NALCN: variants seen among roughly 807,000 people sequenced by gnomAD.
The protein encoded by NALCN is sodium leak channel NALCN.
A neutral mutation model predicts 225.3 loss-of-function variants in NALCN; 111 were observed. That is an observed-to-expected ratio of 0.49 (90% CI 0.42 to 0.58). NALCN has a LOEUF of 0.58. NALCN is among the 20% of genes least tolerant of loss of function. The pLI, the probability that NALCN is intolerant of heterozygous loss-of-function variation, is 0.00. For synonymous variants in NALCN, 764 were observed against 769.0 expected, an observed-to-expected ratio of 0.99 and a Z score of 0.11; for missense variants, 1,378 against 2,202.4, an observed-to-expected ratio of 0.63 and a Z score of 7.49.
chr13:101,215,754 T>C (rs1204199175), intron 13 of NALCN, among the ~76,000 whole-genome samples: 3 of 152,132 alleles, frequency 2.0e-5, no homozygotes, highest in African/African-American at 7.2e-5. Flanking sequence ...GTGCACAACG[T>C]GCAGGTTTGT....
chr13:101,085,095 T>G (rs974453776), intron 30 of NALCN, among the ~76,000 whole-genome samples: 28 of 152,194 alleles, frequency 1.8e-4, no homozygotes, highest in African/African-American at 6.0e-4. Context: ...CCTATGTGAA[T>G]TGCCCATTCA....
At chr13:101,214,823 G>T (rs540918375) in intron 13 of NALCN, among the ~76,000 whole-genome samples, 1 of 152,210 alleles carries the variant, frequency 6.6e-6, no homozygotes, top group African/African-American at 2.4e-5. Context: ...CCTCAGAGAG[G>T]AGGTTGATCC....
chr13:101,252,047 C>T (rs1284238870), intron 11 of NALCN, among the ~76,000 whole-genome samples: 1 of 152,272 alleles, frequency 6.6e-6, no homozygotes, highest in East Asian at 1.9e-4. Context: ...CTTGTAGAGT[C>T]ACTAAAATTT....
At chr13:101,125,597 CAT>C (rs1182191981) in intron 17 of NALCN, among the ~76,000 whole-genome samples, 1 of 152,090 alleles carries the variant, frequency 6.6e-6, no homozygotes, top group Non-Finnish European at 1.5e-5. Flanking sequence ...GGGTAGGACA[CAT>C]GAGATCATCA....
chr13:101,073,471 A>G, intron 37 of NALCN, 113 bp downstream of exon 37: 1 of 809,408 alleles, frequency 1.2e-6, no homozygotes, highest in Non-Finnish European at 1.9e-6. Flanking sequence ...GTCAGGATTT[A>G]TATTTCATAC....
At chr13:101,373,856 AATAACTT>A (rs2046610104) in intron 6 of NALCN, among the ~76,000 whole-genome samples, 1 of 152,178 alleles carries the variant, frequency 6.6e-6, no homozygotes, top group Non-Finnish European at 1.5e-5. Context: ...TAATAAATGC[AATAACTT>A]ACTCTCTGGA....
At chr13:101,280,394 C>A (rs1361858383) in intron 10 of NALCN, among the ~76,000 whole-genome samples, 1 of 152,128 alleles carries the variant, frequency 6.6e-6, no homozygotes, top group Non-Finnish European at 1.5e-5. Context: ...CACTTCAAGC[C>A]CAACATCTAT....
At chr13:101,283,407 C>T (rs919256450) in intron 10 of NALCN, among the ~76,000 whole-genome samples, 1 of 152,106 alleles carries the variant, frequency 6.6e-6, no homozygotes, top group African/African-American at 2.4e-5. Flanking sequence ...GGACGTGAGA[C>T]TCCATCTTCT....
intron 13 of NALCN, among the ~76,000 whole-genome samples, chr13:101,209,884 A>G (rs979345738): frequency 6.6e-6 from 1 of 152,200 alleles, no homozygotes; most frequent in Non-Finnish European, 1.5e-5. Flanking sequence ...TTTATTGCCA[A>G]CTTTGCAGAG....
intron 27 of NALCN, 37 bp downstream of exon 27, chr13:101,100,747 T>C (rs1190877946): frequency 5.8e-6 from 9 of 1,555,028 alleles, no homozygotes; most frequent in Non-Finnish European, 7.9e-6. Flanking sequence ...ACTTGGCCCT[T>C]AATTTTTATT....
At chr13:101,337,945 A>T (rs2045436000) in intron 7 of NALCN, among the ~76,000 whole-genome samples, 1 of 152,214 alleles carries the variant, frequency 6.6e-6, no homozygotes, top group Admixed American at 6.5e-5. Flanking sequence ...TCATCAGCTG[A>T]GGGATAATGA....
chr13:101,258,789 G>A (rs1413838652), intron 10 of NALCN, among the ~76,000 whole-genome samples: 1 of 152,182 alleles, frequency 6.6e-6, no homozygotes. Flanking sequence ...GATGGTTTCA[G>A]AGACTTTTGA....
intron 15 of NALCN, among the ~76,000 whole-genome samples, chr13:101,169,943 C>T (rs1329914217): frequency 6.6e-6 from 1 of 152,164 alleles, no homozygotes; most frequent in Non-Finnish European, 1.5e-5. Context: ...TGACAAAATG[C>T]TGAGAAGATT....
chr13:101,283,254 G>A (rs1311092824), intron 10 of NALCN, among the ~76,000 whole-genome samples: 1 of 152,170 alleles, frequency 6.6e-6, no homozygotes, highest in Non-Finnish European at 1.5e-5. Context: ...GCAAGGAGGG[G>A]AAACCAAGGA....
chr13:101,325,919 T>C (rs966971128), intron 7 of NALCN, among the ~76,000 whole-genome samples: 6 of 152,246 alleles, frequency 3.9e-5, no homozygotes, highest in Admixed American at 3.3e-4. Context: ...AAGAAAACAG[T>C]TTAGTTTAGA....
rs571251241 is a variant in NALCN, at chr13:101,363,124, G to A, written c.644+13576C>T. On this transcript the variant is annotated intron_variant, in intron 6 of 43. Coordinates refer to ENST00000251127, the MANE Select transcript of NALCN (RefSeq NM_052867.4). ...AAATGGAAAGATATTCGATGCTCAT[G>A]AATTGGAAGAATCAATATTGTTAAA... Among the ~76,000 whole-genome samples the A allele has an allele frequency of 6.6e-5, 10 of 152,220 alleles. No individual in the cohort carries two copies. The East Asian group carries it at 1.9e-3, about 29-fold the overall frequency.
chr13:101,333,119 C>T (rs1308988678), intron 7 of NALCN, among the ~76,000 whole-genome samples: 2 of 152,170 alleles, frequency 1.3e-5, no homozygotes, highest in African/African-American at 4.8e-5. Flanking sequence ...CTTCTGCTTA[C>T]TGTGAGAAAG....
chr13:101,182,048 G>A (rs1199591518), intron 14 of NALCN, among the ~76,000 whole-genome samples: 1 of 148,956 alleles, frequency 6.7e-6, no homozygotes, highest in African/African-American at 2.5e-5. Flanking sequence ...GCAGGAGAAT[G>A]GCGTGAACCC....
intron 30 of NALCN, among the ~76,000 whole-genome samples, chr13:101,088,564 T>G (rs906073447): frequency 1.4e-4 from 21 of 152,222 alleles, no homozygotes; most frequent in Non-Finnish European, 2.1e-4. Flanking sequence ...TTGCTTTTTC[T>G]GCAACCGTGC....
Sources: allele counts gnomAD v4.1 joint callset (sites outside exome capture counted in the v4.1 genomes callset), GRCh38; gene constraint gnomAD v4.1.1; transcripts MANE v1.5; gene names NCBI Gene and HGNC (gene_info 2026-07-23, HGNC 2026-07-21).